Variants in KCNH7 observed in about 807,000 individuals in gnomAD.
The protein encoded by KCNH7 is potassium voltage-gated channel subfamily H member 7.
A neutral mutation model predicts 120.8 loss-of-function variants in KCNH7; 49 were observed. The observed-to-expected ratio is 0.41, with a 90% CI of 0.32 to 0.51. KCNH7 has a LOEUF of 0.51. Among genes scored for constraint, KCNH7 ranks in the 20% least tolerant of loss-of-function variants. The pLI, the probability that KCNH7 is intolerant of heterozygous loss-of-function variation, is 0.38. For synonymous variants in KCNH7, 547 were observed against 516.1 expected, an observed-to-expected ratio of 1.06 and a Z score of -0.81; for missense variants, 1,097 against 1,446.6, an observed-to-expected ratio of 0.76 and a Z score of 3.92.
At chr2:162,606,745 T>C (rs1301719306) in intron 2 of KCNH7, among the ~76,000 whole-genome samples, 1 of 152,162 alleles carries the variant, frequency 6.6e-6, no homozygotes, top group African/African-American at 2.4e-5. Context: ...ACAAAATATC[T>C]TGAGAAGAAA....
At chr2:162,555,549 A>G (rs973234543) in intron 2 of KCNH7, among the ~76,000 whole-genome samples, 78 of 152,322 alleles carry the variant, frequency 5.1e-4, no homozygotes, top group African/African-American at 1.8e-3. Context: ...TTTGGAATTT[A>G]GTATTTACTT....
intron 2 of KCNH7, among the ~76,000 whole-genome samples, chr2:162,559,547 C>T (rs1406030142): frequency 6.6e-6 from 1 of 152,194 alleles, no homozygotes; most frequent in Non-Finnish European, 1.5e-5. Context: ...ATTTCTATGA[C>T]TTCAAAACAT....
intron 2 of KCNH7, among the ~76,000 whole-genome samples, chr2:162,729,161 A>ATTTTTTT (rs1203109189): frequency 7.3e-6 from 1 of 137,300 alleles, no homozygotes; most frequent in Non-Finnish European, 1.5e-5. Flanking sequence ...AATATACCCA[A>ATTTTTTT]ATTTTTTTTT....
intron 2 of KCNH7, among the ~76,000 whole-genome samples, chr2:162,763,199 C>T (rs575688665): frequency 6.6e-6 from 1 of 152,176 alleles, no homozygotes; most frequent in South Asian, 2.1e-4. Context: ...ATGTATGCTC[C>T]TTTAAGACAG....
intron 2 of KCNH7, among the ~76,000 whole-genome samples, chr2:162,595,086 G>T (rs1369028163): frequency 6.6e-6 from 1 of 152,036 alleles, no homozygotes; most frequent in Admixed American, 6.6e-5. Context: ...ATAATCAATT[G>T]ACTGGGTAAT....
At chr2:162,820,742 G>A (rs1313642045) in intron 2 of KCNH7, among the ~76,000 whole-genome samples, 2 of 152,068 alleles carry the variant, frequency 1.3e-5, no homozygotes, top group Non-Finnish European at 2.9e-5. Context: ...ATACAAATAT[G>A]AGTATACCAG....
intron 2 of KCNH7, among the ~76,000 whole-genome samples, chr2:162,716,889 T>G (rs1274602654): frequency 6.6e-6 from 1 of 152,184 alleles, no homozygotes; most frequent in Non-Finnish European, 1.5e-5. Context: ...ATTATTTTCT[T>G]ATATTTATAA....
chr2:162,399,671 A>G (rs1687014116), intron 10 of KCNH7, among the ~76,000 whole-genome samples: 1 of 151,912 alleles, frequency 6.6e-6, no homozygotes, highest in South Asian at 2.1e-4. Context: ...CTGGTTGTTA[A>G]GTTTATAGGT....
chr2:162,801,252 A>C (rs1487051571), intron 2 of KCNH7, among the ~76,000 whole-genome samples: 1 of 139,474 alleles, frequency 7.2e-6, no homozygotes, highest in African/African-American at 2.6e-5. Context: ...AGTATGAAAA[A>C]GACAAGCTTT....
At chr2:162,763,728 AGTGT>A (rs72350942) in intron 2 of KCNH7, among the ~76,000 whole-genome samples, 9,288 of 139,152 alleles carry the variant, frequency 0.067, 305 homozygotes, top group Middle Eastern at 0.11. Flanking sequence ...AGGCATTTGC[AGTGT>A]GTGTGTGTGT....
intron 6 of KCNH7, among the ~76,000 whole-genome samples, chr2:162,493,182 C>G (rs1348263719): frequency 1.3e-5 from 2 of 152,086 alleles, no homozygotes; most frequent in Non-Finnish European, 2.9e-5. Flanking sequence ...TCTTGGAGAG[C>G]TATACCCTGA....
chr2:162,780,898 C>T (rs1683455983), intron 2 of KCNH7, among the ~76,000 whole-genome samples: 1 of 152,036 alleles, frequency 6.6e-6, no homozygotes, highest in African/African-American at 2.4e-5. Flanking sequence ...CATAAAAAGA[C>T]TGTAATAAAC....
intron 2 of KCNH7, among the ~76,000 whole-genome samples, chr2:162,632,449 T>C (rs1167183918): frequency 6.6e-6 from 1 of 151,934 alleles, no homozygotes; most frequent in African/African-American, 2.4e-5. Context: ...CTTGAAATAA[T>C]CTATAAACTG....
chr2:162,607,024 G>A (rs1682796224), intron 2 of KCNH7, among the ~76,000 whole-genome samples: 1 of 151,918 alleles, frequency 6.6e-6, no homozygotes, highest in Admixed American at 6.6e-5. Flanking sequence ...TCAAAATAAT[G>A]TCCATATAAA....
At chr2:162,437,881 G>A (rs1210176230) in intron 7 of KCNH7, among the ~76,000 whole-genome samples, 1 of 152,098 alleles carries the variant, frequency 6.6e-6, no homozygotes, top group African/African-American at 2.4e-5. Context: ...CTCAAGAAAT[G>A]GCAGGGGCAT....
chr2:162,652,757 C>T (rs140332951), intron 2 of KCNH7, among the ~76,000 whole-genome samples: 3 of 152,220 alleles, frequency 2.0e-5, no homozygotes, highest in African/African-American at 7.2e-5. Context: ...TAATAGTGCA[C>T]TTTAGATACT....
At chr2:162,577,385 CTAT>C (rs1693721207) in intron 2 of KCNH7, among the ~76,000 whole-genome samples, 1 of 151,108 alleles carries the variant, frequency 6.6e-6, no homozygotes, top group Non-Finnish European at 1.5e-5. Flanking sequence ...ATCTATCTAT[CTAT>C]CTATCTATCC....
intron 2 of KCNH7, among the ~76,000 whole-genome samples, chr2:162,732,676 T>C (rs929194597): frequency 6.6e-6 from 1 of 152,152 alleles, no homozygotes; most frequent in Non-Finnish European, 1.5e-5. Flanking sequence ...AGTAAAATTA[T>C]AATTGTTAAT....
intron 2 of KCNH7, among the ~76,000 whole-genome samples, chr2:162,646,946 AT>A (rs887734194): frequency 6.6e-6 from 1 of 152,170 alleles, no homozygotes; most frequent in African/African-American, 2.4e-5. Context: ...CTATGAGATA[AT>A]ATATGTGTAT....
Sources: gnomAD v4.1 joint callset for allele counts (sites outside exome capture counted in the v4.1 genomes callset) on GRCh38, gnomAD v4.1.1 for gene constraint, MANE v1.5 for transcripts, NCBI Gene and HGNC (gene_info 2026-07-23, HGNC 2026-07-21) for gene names.